The following PCDHGB7 variants were observed in gnomAD, a reference collection of about 807,000 sequenced individuals.
PCDHGB7 encodes protocadherin gamma-B7.
Under a neutral mutation model 61.4 loss-of-function variants are expected in PCDHGB7, and 37 were observed. The ratio of observed to expected loss-of-function variants is 0.60; its 90% CI spans 0.46 to 0.79. The LOEUF is 0.79. PCDHGB7 is among the 30% of genes least tolerant of loss of function. PCDHGB7 has a pLI of 0.00. For synonymous variants in PCDHGB7, 464 were observed against 503.5 expected (o/e 0.92, Z 1.05); for missense variants, 1,166 against 1,202.5 (o/e 0.97, Z 0.45).
intron 1 of PCDHGB7, among the ~76,000 whole-genome samples, chr5:141,472,192 C>A (rs2099274015): frequency 1.3e-5 from 2 of 152,134 alleles, no homozygotes; most frequent in South Asian, 2.1e-4. Context: ...GAATTTGAAT[C>A]TTTTTGACAC....
At chr5:141,438,366 G>A (rs749623408) in intron 1 of PCDHGB7, among the ~76,000 whole-genome samples, 6 of 151,462 alleles carry the variant, frequency 4.0e-5, no homozygotes, top group Non-Finnish European at 7.4e-5. Context: ...TTGTCATTGA[G>A]GGCAGATATA....
chr5:141,420,197 A>C lies in PCDHGB7; in HGVS notation c.2338A>C (p.Asn780His), dbSNP rs760921171. The C allele has an allele frequency of 1.2e-6, 2 of 1,613,630 alleles. No individual in the cohort carries two copies. The highest frequency in any genetic ancestry group is 2.2e-5 in the South Asian group (2 of 91,052). ...SVDHCPATQD[N>H]LNKDSMLLAS... ...TGATCATTGTCCAGCCACACAAGAT[A>C]ACCTCAACAAAGATAGCATGCTACT... is the stretch of plus-strand genomic sequence containing the variant. Residue 780 changes from asparagine (N) to histidine (H), a missense_variant, in exon 1 of 4, where the codon AAC becomes CAC. Coordinates refer to ENST00000398594, the MANE Select transcript of PCDHGB7 (RefSeq NM_018927.4).
Position 141,490,310 on chromosome 5 carries a change from A to G in PCDHGB7, c.2416-4497A>G. 2 of 1,614,082 alleles carry G rather than the reference A, an allele frequency of 1.2e-6. No homozygotes were observed. Among genetic ancestry groups the G allele is most frequent in the South Asian group, 2.2e-5 (2 of 91,078 alleles). ...GAGGTGCTATTGGCCTCTTTGGCCA[A>G]CCCTGTCCTAGAGAGCACACCAGTG... On this transcript the variant is annotated intron_variant, in intron 1 of 3. Transcript: ENST00000398594. The surrounding 1 kb of genome is among the most constrained non-coding windows in gnomAD (Gnocchi z 5.4).
chr5:141,428,508 T>G, intron 1 of PCDHGB7: 1 of 279,550 alleles, frequency 3.6e-6, no homozygotes, highest in South Asian at 4.0e-5. Flanking sequence ...CCTCGGATTC[T>G]AGAAAAAGAA....
At chr5:141,423,119 G>T (rs769320490) in intron 1 of PCDHGB7, 2 of 1,613,774 alleles carry the variant, frequency 1.2e-6, no homozygotes, top group Non-Finnish European at 1.7e-6. Context: ...CGTACAGCGC[G>T]GGCACTGCTG....
chr5:141,480,065 A>G (rs2099511928), intron 1 of PCDHGB7, among the ~76,000 whole-genome samples: 1 of 152,220 alleles, frequency 6.6e-6, no homozygotes, highest in Non-Finnish European at 1.5e-5. Flanking sequence ...TAAGTGTTTT[A>G]TAAGATTCAT....
intron 2 of PCDHGB7, among the ~76,000 whole-genome samples, chr5:141,496,582 G>A (rs991035985): frequency 1.9e-4 from 29 of 152,100 alleles, no homozygotes; most frequent in Non-Finnish European, 3.5e-4. Flanking sequence ...TTTTAGGAAC[G>A]CAAAGCGCTT....
chr5:141,432,935 C>T lies in PCDHGB7; in HGVS notation c.2415+12661C>T. The T allele has an allele frequency of 4.3e-6, 7 of 1,614,218 alleles. No homozygotes were observed. The highest frequency in any genetic ancestry group is 5.1e-6 in the Non-Finnish European group (6 of 1,180,046). On this transcript the variant is annotated intron_variant, in intron 1 of 3. Transcript: ENST00000398594. This position sits in a 1 kb window ranked among gnomAD's most constrained non-coding sequence, Gnocchi z 6.0. The stretch of plus-strand genomic sequence containing the variant: ...GCGCTGGCACAAGTCACGCCTGCTG[C>T]AGGCTTCAGGAGGCGGCTTGACAGG...
At position 141,432,987 on chromosome 5, in the gene PCDHGB7, T is replaced by C. The variant is rs1259121931; in HGVS notation, c.2415+12713T>C. ...GCGCCGGCGTCGCACTTTGTGGGCGTGGACGGGGTGCAGGCTTTCCTGCAG... is the reference window on the plus strand; with the variant it reads ...GCGCCGGCGTCGCACTTTGTGGGCGCGGACGGGGTGCAGGCTTTCCTGCAG... On this transcript the variant is annotated intron_variant, in intron 1 of 3. Coordinates refer to ENST00000398594, the MANE Select transcript of PCDHGB7 (RefSeq NM_018927.4). The surrounding 1 kb of genome is among the most constrained non-coding windows in gnomAD (Gnocchi z 6.0). The C allele has an allele frequency of 3.7e-6, 6 of 1,614,174 alleles. No individual in the cohort carries two copies. Among genetic ancestry groups the C allele is most frequent in the Non-Finnish European group, 5.1e-6 (6 of 1,180,032 alleles).
chr5:141,509,059 C>T (rs1313349089), intron 3 of PCDHGB7, among the ~76,000 whole-genome samples: 2 of 152,182 alleles, frequency 1.3e-5, no homozygotes, highest in Non-Finnish European at 2.9e-5. Flanking sequence ...CCAGAAAGCT[C>T]TCAGCTCCGG....
In PCDHGB7 at chr5:141,447,883, C is replaced by T. The variant is rs184337553; in HGVS notation, c.2415+27609C>T. Among the ~76,000 whole-genome samples the T allele has an allele frequency of 3.9e-3, 599 of 152,000 alleles. 3 individuals are homozygous for T. The highest frequency in any genetic ancestry group is 0.014 in the African/African-American group (563 of 41,452). ...GGTGAATCATCTGAGGTCAGGAGTT[C>T]GAGACCAGCCTGGCCAACATGGTGA... On this transcript the variant is annotated intron_variant, in intron 1 of 3. Coordinates refer to ENST00000398594, the MANE Select transcript of PCDHGB7 (RefSeq NM_018927.4).
intron 1 of PCDHGB7, chr5:141,421,683 A>G (rs1238944281): frequency 1.2e-6 from 2 of 1,613,758 alleles, no homozygotes; most frequent in African/African-American, 1.3e-5. Flanking sequence ...CTGGGGCGCG[A>G]TTTGCTCTTC....
intron 1 of PCDHGB7, among the ~76,000 whole-genome samples, chr5:141,438,564 T>A (rs1192918137): frequency 1.5e-5 from 2 of 137,114 alleles, no homozygotes; most frequent in Non-Finnish European, 3.1e-5. Flanking sequence ...AAGAGGCAGC[T>A]GTCTGATATA....
At chr5:141,433,487 C>T (rs1052153936) in intron 1 of PCDHGB7, among the ~76,000 whole-genome samples, 3 of 152,094 alleles carry the variant, frequency 2.0e-5, no homozygotes, top group African/African-American at 7.2e-5. Context: ...TCCTGCTTCT[C>T]CCTCCCAAAC....
rs570379716 is a variant in PCDHGB7 at position 141,452,090 on chromosome 5, G to A, written c.2415+31816G>A. Among the ~76,000 whole-genome samples, 3 of 152,256 alleles carry A rather than the reference G, an allele frequency of 2.0e-5. No individual in the cohort carries two copies. The South Asian group carries it at 6.2e-4, about 32-fold the overall frequency. On this transcript the variant is annotated intron_variant, in intron 1 of 3. Coordinates refer to ENST00000398594, the MANE Select transcript of PCDHGB7 (RefSeq NM_018927.4). The stretch of plus-strand genomic sequence containing the variant: ...TTTATTAGTTGGCATTATACAGTAA[G>A]AAAGAGCTTTCTTTTCTCTTCTTAT...
chr5:141,478,956 T>C (rs2099484450), intron 1 of PCDHGB7, among the ~76,000 whole-genome samples: 1 of 152,200 alleles, frequency 6.6e-6, no homozygotes. Context: ...AACTACCTCA[T>C]TCCTCCACCT....
rs1486554010 is a variant in PCDHGB7 at position 141,431,630 on chromosome 5, G to C, written c.2415+11356G>C. Reference sequence around the variant, plus strand: ...GTATGTGGACGACAAGGCGGCCCAAGTTTTCAAACTAGATTGTAATTCAGG... The same window carrying C: ...GTATGTGGACGACAAGGCGGCCCAACTTTTCAAACTAGATTGTAATTCAGG... On this transcript the variant is annotated intron_variant, in intron 1 of 3. Transcript: ENST00000398594. This position sits in a 1 kb window ranked among gnomAD's most constrained non-coding sequence, Gnocchi z 4.8. 6.2e-7 allele frequency: 1 copy of C among 1,614,250 alleles called. No individual in the cohort carries two copies. Among genetic ancestry groups the C allele is most frequent in the East Asian group, 2.2e-5 (1 of 44,882 alleles).
chr5:141,489,775 T>C lies in PCDHGB7; in HGVS notation c.2416-5032T>C, dbSNP rs748163008. The C allele has an allele frequency of 6.2e-7, 1 of 1,614,110 alleles. No homozygotes were observed. The highest frequency in any genetic ancestry group is 8.5e-7 in the Non-Finnish European group (1 of 1,179,986). Reference sequence around the variant, plus strand: ...CACTCTAAGCCCCAACAGCCACTTCTCTCTGAATGTGAAGACCCTAAAAGA... The same window carrying C: ...CACTCTAAGCCCCAACAGCCACTTCCCTCTGAATGTGAAGACCCTAAAAGA... On this transcript the variant is annotated intron_variant, in intron 1 of 3. Coordinates refer to ENST00000398594, the MANE Select transcript of PCDHGB7 (RefSeq NM_018927.4). This position sits in a 1 kb window ranked among gnomAD's most constrained non-coding sequence, Gnocchi z 4.5.
Position 141,491,733 on chromosome 5 carries a change from TG to T in PCDHGB7, c.2416-3069del. 6.2e-7 allele frequency: 1 copy of T among 1,602,698 alleles called. No individual in the cohort carries two copies. Among genetic ancestry groups the T allele is most frequent in the Non-Finnish European group, 8.5e-7 (1 of 1,175,258 alleles). On this transcript the variant is annotated intron_variant, in intron 1 of 3. Coordinates refer to ENST00000398594, the MANE Select transcript of PCDHGB7 (RefSeq NM_018927.4). This position sits in a 1 kb window ranked among gnomAD's most constrained non-coding sequence, Gnocchi z 6.9. ...GCTCGGCGCCGCCCCGGGCGACCCC[TG>T]GGGGCGGCACTGGAGAAGCCGCCCG...
Sources: allele counts gnomAD v4.1 joint callset (sites outside exome capture counted in the v4.1 genomes callset), GRCh38; gene constraint gnomAD v4.1.1; non-coding constraint Gnocchi (gnomAD v3.1); transcripts MANE v1.5; gene names NCBI Gene and HGNC (gene_info 2026-07-23, HGNC 2026-07-21).